The following DLG2 variants were observed in gnomAD, a reference collection of about 807,000 sequenced individuals.
DLG2 encodes the protein disks large homolog 2.
Under a neutral mutation model 132.5 loss-of-function variants are expected in DLG2, and 45 were observed. That is an observed-to-expected ratio of 0.34 (90% confidence interval 0.27 to 0.44). The LOEUF (loss-of-function observed/expected upper bound fraction) is 0.44, where lower values mean the gene tolerates loss of function less well. Ranked by LOEUF, DLG2 falls within the 20% of genes least tolerant of loss-of-function variation. The pLI, the probability that DLG2 is intolerant of heterozygous loss-of-function variation, is 1.00. For synonymous variants in DLG2, 424 were observed against 419.6 expected (o/e 1.01, Z -0.13); for missense variants, 1,045 against 1,196.9 (o/e 0.87, Z 1.87).
intron 14 of DLG2, among the ~76,000 whole-genome samples, chr11:83,961,318 T>C (rs1353226802): frequency 6.6e-6 from 1 of 152,052 alleles, no homozygotes; most frequent in South Asian, 2.1e-4. Context: ...TTAGAGCTCA[T>C]CAAAACTCTG....
chr11:83,759,847 A>G (rs1367280574), intron 18 of DLG2, among the ~76,000 whole-genome samples: 1 of 152,214 alleles, frequency 6.6e-6, no homozygotes, highest in Non-Finnish European at 1.5e-5. Context: ...ACCCAAATTA[A>G]TAATTACAAC....
chr11:84,801,992 AC>A (rs1361239606), intron 6 of DLG2, among the ~76,000 whole-genome samples: 1 of 151,938 alleles, frequency 6.6e-6, no homozygotes, highest in African/African-American at 2.4e-5. Flanking sequence ...TTTAAAAATT[AC>A]TTTTTAAGTT....
chr11:83,469,737 G>A (rs754174352), intron 24 of DLG2, among the ~76,000 whole-genome samples: 1 of 152,096 alleles, frequency 6.6e-6, no homozygotes, highest in Non-Finnish European at 1.5e-5. Context: ...AACCCATGGA[G>A]ATCCCAGAAA....
intron 15 of DLG2, among the ~76,000 whole-genome samples, chr11:83,921,743 T>C (rs2077967163): frequency 6.6e-6 from 1 of 152,196 alleles, no homozygotes; most frequent in Non-Finnish European, 1.5e-5. Context: ...AATAATTTGA[T>C]GGTTACTAAA....
chr11:85,605,381 C>T (rs55650249), intron 2 of DLG2, among the ~76,000 whole-genome samples: 7,092 of 152,224 alleles, frequency 0.047, 536 homozygotes, highest in African/African-American at 0.16. Context: ...AGACATAAAT[C>T]GTATCACTGA....
intron 6 of DLG2, among the ~76,000 whole-genome samples, chr11:84,729,910 C>A (rs2062954845): frequency 6.6e-6 from 1 of 151,918 alleles, no homozygotes; most frequent in African/African-American, 2.4e-5. Flanking sequence ...GAAATGCCAG[C>A]CTATTCGTTC....
intron 20 of DLG2, among the ~76,000 whole-genome samples, chr11:83,536,597 A>C (rs1365088420): frequency 6.6e-6 from 1 of 151,368 alleles, no homozygotes; most frequent in African/African-American, 2.4e-5. Flanking sequence ...ACTAAAGCTC[A>C]AATTTTGAAA....
intron 6 of DLG2, among the ~76,000 whole-genome samples, chr11:84,547,206 G>C (rs903202858): frequency 1.3e-5 from 2 of 151,972 alleles, no homozygotes; most frequent in South Asian, 4.2e-4. Context: ...TGTTTTACTG[G>C]AACATTAGAT....
chr11:84,969,650 T>C (rs572081901), intron 6 of DLG2, among the ~76,000 whole-genome samples: 6 of 152,326 alleles, frequency 3.9e-5, no homozygotes, highest in African/African-American at 1.4e-4. Flanking sequence ...TCTAGAGGAA[T>C]ATATCTTATG....
chr11:84,964,920 T>C (rs773430090), intron 6 of DLG2, among the ~76,000 whole-genome samples: 24 of 152,116 alleles, frequency 1.6e-4, no homozygotes, highest in Non-Finnish European at 2.5e-4. Flanking sequence ...GAAACACATA[T>C]ACGAAGTGTG....
intron 19 of DLG2, among the ~76,000 whole-genome samples, chr11:83,594,000 A>T (rs1041221456): frequency 6.6e-6 from 1 of 152,230 alleles, no homozygotes; most frequent in Admixed American, 6.5e-5. Context: ...GTAATAGCAA[A>T]TAAAAGGTTA....
In DLG2 at chr11:83,930,265, C is replaced by G. The variant is rs540993232; in HGVS notation, c.1496+63G>C. 2.5e-6 allele frequency: 4 copies of G among 1,573,556 alleles called. No individual in the cohort carries two copies. In the Admixed American group the frequency reaches 6.8e-5, roughly 27 times the overall value. ...AGAAGTGAGCAGAGGCGGATTCTAC[C>G]CATTTATCCTTGTGGAAGCACATGC... On this transcript the variant is annotated intron_variant, in intron 15 of 27. Transcript: ENST00000376104.
At chr11:84,345,881 G>A (rs1331301434) in intron 7 of DLG2, among the ~76,000 whole-genome samples, 1 of 152,074 alleles carries the variant, frequency 6.6e-6, no homozygotes, top group African/African-American at 2.4e-5. Flanking sequence ...AGTAGTATCC[G>A]AGACTGTCTG....
chr11:85,542,375 T>C (rs1468085234), intron 3 of DLG2, among the ~76,000 whole-genome samples: 1 of 152,172 alleles, frequency 6.6e-6, no homozygotes, highest in Non-Finnish European at 1.5e-5. Context: ...AAACAAATGA[T>C]ATTATACCTA....
chr11:85,353,866 A>G (rs1359588278), intron 3 of DLG2, among the ~76,000 whole-genome samples: 7 of 152,096 alleles, frequency 4.6e-5, no homozygotes, highest in Non-Finnish European at 1.5e-5. Flanking sequence ...GAGGGATAGC[A>G]TTATGAAAAA....
At chr11:83,506,457 C>G (rs2094704328) in intron 21 of DLG2, among the ~76,000 whole-genome samples, 1 of 152,180 alleles carries the variant, frequency 6.6e-6, no homozygotes, top group Non-Finnish European at 1.5e-5. Flanking sequence ...ATGGGTCACA[C>G]TCTCAACCTC....
chr11:85,238,089 G>T (rs1422186729), intron 4 of DLG2, among the ~76,000 whole-genome samples: 15 of 151,840 alleles, frequency 9.9e-5, no homozygotes, highest in Admixed American at 9.9e-4. Flanking sequence ...ACCTGTTTAG[G>T]TAAGAATCCT....
intron 6 of DLG2, among the ~76,000 whole-genome samples, chr11:85,097,630 A>C (rs972457932): frequency 6.6e-6 from 1 of 152,160 alleles, no homozygotes; most frequent in African/African-American, 2.4e-5. Flanking sequence ...CCTCTTTTCC[A>C]TTGTTTTTTC....
intron 6 of DLG2, among the ~76,000 whole-genome samples, chr11:84,538,174 C>A (rs966851323): frequency 6.6e-6 from 1 of 152,170 alleles, no homozygotes; most frequent in Non-Finnish European, 1.5e-5. Context: ...GGCTGGCTGG[C>A]TGCAGCTTCT....
Sources: allele counts gnomAD v4.1 joint callset (sites outside exome capture counted in the v4.1 genomes callset), GRCh38; gene constraint gnomAD v4.1.1; transcripts MANE v1.5; gene names NCBI Gene and HGNC (gene_info 2026-07-23, HGNC 2026-07-21).